AKT3: variants seen among roughly 807,000 people sequenced by gnomAD.
AKT3 encodes the protein RAC-gamma serine/threonine-protein kinase.
In AKT3, 15 loss-of-function variants were observed where a neutral mutation model predicts 65.3. The observed-to-expected ratio is 0.23, with a 90% CI of 0.15 to 0.35. The LOEUF is 0.35. Among genes scored for constraint, AKT3 ranks in the 10% least tolerant of loss-of-function variants. The pLI, the probability that AKT3 is intolerant of heterozygous loss-of-function variation, is 1.00. For synonymous variants in AKT3, 206 were observed against 183.8 expected, an observed-to-expected ratio of 1.12 and a Z score of -0.98; for missense variants, 243 against 576.5, an observed-to-expected ratio of 0.42 and a Z score of 5.92.
intron 6 of AKT3, among the ~76,000 whole-genome samples, chr1:243,631,195 G>A (rs997670796): frequency 1.1e-4 from 17 of 152,198 alleles, no homozygotes; most frequent in African/African-American, 3.9e-4. Flanking sequence ...AAAAGGCTAA[G>A]GGTCATCTGA....
intron 2 of AKT3, among the ~76,000 whole-genome samples, chr1:243,822,260 T>C (rs1341681309): frequency 6.6e-6 from 1 of 152,162 alleles, no homozygotes; most frequent in South Asian, 2.1e-4. Context: ...CCAGAATCTC[T>C]GGGATGTAGC....
intron 2 of AKT3, among the ~76,000 whole-genome samples, chr1:243,787,438 T>C (rs1208020902): frequency 2.6e-5 from 4 of 152,180 alleles, no homozygotes; most frequent in East Asian, 3.8e-4. Context: ...AAATTTGAGA[T>C]ATAGCTGTTT....
rs182636607 is a variant in AKT3 at position 243,544,931 on chromosome 1, C to A, written c.1251+579G>T. ...ATGCTGGTCTCAAAACTCCTGGCCT[C>A]AAGTGATCCTCCCACCTCAGCCTCC... On this transcript the variant is annotated intron_variant, in intron 12 of 13. Coordinates refer to ENST00000673466, the MANE Select transcript of AKT3 (RefSeq NM_005465.7). Among the ~76,000 whole-genome samples the A allele has an allele frequency of 5.5e-4, 83 of 151,776 alleles. 1 individual carries two copies. Among genetic ancestry groups the A allele is most frequent in the African/African-American group, 1.9e-3 (78 of 41,412 alleles).
intron 11 of AKT3, among the ~76,000 whole-genome samples, chr1:243,550,958 C>CAAAAAAAAAAAAAAAA (rs60047036): frequency 1.1e-4 from 2 of 17,544 alleles, no homozygotes; most frequent in Non-Finnish European, 2.1e-4. Context: ...GACTCCCTCT[C>CAAAAAAAAAAAAAAAA]AAAAAAAAAA....
At chr1:243,795,467 T>C (rs1160923497) in intron 2 of AKT3, among the ~76,000 whole-genome samples, 2 of 98,038 alleles carry the variant, frequency 2.0e-5, no homozygotes, top group Non-Finnish European at 4.7e-5. Context: ...TTTTTGTTTT[T>C]TTTTTTTGGT....
At chr1:243,583,552 A>G (rs1188105101) in intron 8 of AKT3, among the ~76,000 whole-genome samples, 1 of 48,318 alleles carries the variant, frequency 2.1e-5, no homozygotes, top group Admixed American at 3.6e-4. Context: ...AAAAAAAAAA[A>G]AAAAGAAAAA....
chr1:243,545,803 A>T (rs541124124), intron 11 of AKT3, among the ~76,000 whole-genome samples: 133 of 152,358 alleles, frequency 8.7e-4, no homozygotes, highest in Non-Finnish European at 1.4e-3. Flanking sequence ...TGGTATTTGG[A>T]AAAGAGCAGA....
intron 2 of AKT3, among the ~76,000 whole-genome samples, chr1:243,795,458 T>TTTG (rs1558817825): frequency 2.4e-5 from 3 of 124,628 alleles, no homozygotes; most frequent in African/African-American, 6.4e-5. Context: ...TGTTTTTTTT[T>TTTG]TTTGTTTTTT....
At chr1:243,796,894 G>A (rs528432843) in intron 2 of AKT3, among the ~76,000 whole-genome samples, 4 of 152,234 alleles carry the variant, frequency 2.6e-5, no homozygotes, top group South Asian at 2.1e-4. Context: ...AATACTGTAC[G>A]ATCCACTTAC....
intron 12 of AKT3, among the ~76,000 whole-genome samples, chr1:243,531,418 C>T (rs1671519031): frequency 1.3e-5 from 2 of 152,124 alleles, no homozygotes; most frequent in Admixed American, 6.6e-5. Flanking sequence ...ATGGCAATCA[C>T]CTATGATTCA....
chr1:243,677,923 C>T (rs950079930), intron 3 of AKT3, among the ~76,000 whole-genome samples: 3 of 151,942 alleles, frequency 2.0e-5, no homozygotes, highest in African/African-American at 4.8e-5. Flanking sequence ...CCCATCTCTA[C>T]TAAAAATACA....
chr1:243,699,400 C>T (rs58594024), intron 2 of AKT3, among the ~76,000 whole-genome samples: 2 of 144,636 alleles, frequency 1.4e-5, no homozygotes, highest in African/African-American at 5.3e-5. Flanking sequence ...AATGTATCGT[C>T]AAGATAAACC....
intron 2 of AKT3, among the ~76,000 whole-genome samples, chr1:243,789,177 A>C (rs1691461380): frequency 6.6e-6 from 1 of 152,228 alleles, no homozygotes; most frequent in African/African-American, 2.4e-5. Context: ...GAGGAGTTCG[A>C]AAACAGCCTG....
chr1:243,828,092 A>AAC (rs1694279531), intron 2 of AKT3, among the ~76,000 whole-genome samples: 1 of 126,442 alleles, frequency 7.9e-6, no homozygotes. Flanking sequence ...ACAACAACAA[A>AAC]ACTTAAAAGG....
chr1:243,742,060 A>G (rs1422546882), intron 2 of AKT3, among the ~76,000 whole-genome samples: 1 of 12,060 alleles, frequency 8.3e-5, no homozygotes, highest in Non-Finnish European at 6.5e-4. Flanking sequence ...ATAGAAAATT[A>G]AAAAAAAAAA....
chr1:243,499,692 T>G (rs1210426667), downstream of AKT3: 1 of 1,308,422 alleles, frequency 7.6e-7, no homozygotes, highest in Admixed American at 1.7e-5. Context: ...AACCAGCAAA[T>G]GAGAAGACAA....
At chr1:243,801,181 T>C (rs1341134993) in intron 2 of AKT3, among the ~76,000 whole-genome samples, 2 of 152,210 alleles carry the variant, frequency 1.3e-5, no homozygotes, top group African/African-American at 4.8e-5. Context: ...ATCTATGTTA[T>C]TCCTCAGGGC....
At chr1:243,650,098 T>C (rs533824562) in intron 4 of AKT3, among the ~76,000 whole-genome samples, 163 of 152,330 alleles carry the variant, frequency 1.1e-3, no homozygotes, top group African/African-American at 3.5e-3. Context: ...TTTTTAATGA[T>C]TGCCATTCTA....
At chr1:243,769,765 C>T (rs560769628) in intron 2 of AKT3, among the ~76,000 whole-genome samples, 1 of 152,176 alleles carries the variant, frequency 6.6e-6, no homozygotes, top group African/African-American at 2.4e-5. Context: ...ATTGTTGTTT[C>T]CTGAAGACCT....
Sources: gnomAD v4.1 joint callset for allele counts (sites outside exome capture counted in the v4.1 genomes callset) on GRCh38, gnomAD v4.1.1 for gene constraint, MANE v1.5 for transcripts, NCBI Gene and HGNC (gene_info 2026-07-23, HGNC 2026-07-21) for gene names.